EPC1: variants seen among roughly 807,000 people sequenced by gnomAD.
EPC1 encodes enhancer of polycomb homolog 1.
A neutral mutation model predicts 98.4 loss-of-function variants in EPC1; 12 were observed. The observed-to-expected ratio is 0.12, with a 90% CI of 0.08 to 0.20. The LOEUF is 0.20. Ranked by LOEUF, EPC1 falls within the 10% of genes least tolerant of loss-of-function variation. The pLI is 1.00. For missense variants in EPC1, 729 were observed against 990.5 expected (o/e 0.74, Z 3.54); for synonymous variants, 357 against 363.9 (o/e 0.98, Z 0.21).
At chr10:32,305,999 A>G in intron 1 of EPC1, 68 bp from the exon 2 acceptor site, 1 of 1,403,336 alleles carries the variant, frequency 7.1e-7, no homozygotes. Flanking sequence ...ATATAGCCAA[A>G]AAGGTTTTTT....
Position 32,364,001 on chromosome 10 carries a change from CATTTTTTTTTTTTTTT to C in EPC1, c.3+14474_3+14489del, listed in dbSNP as rs1244442076. ...AATAGTATCGTGTCCATCATGTTGG[CATTTTTTTTTTTTTTT>C]TTTTTTTTTTTTTTTAGATGGAGTT... On this transcript the variant is annotated intron_variant, in intron 1 of 13. Transcript: ENST00000375110. 6.1e-4 allele frequency among the ~76,000 whole-genome samples: 38 copies of C among 61,856 alleles called. 1 individual carries two copies. Among genetic ancestry groups the C allele is most frequent in the Non-Finnish European group, 8.0e-4 (26 of 32,528 alleles). 40.6% of individuals were successfully genotyped at this position (61,856 alleles called of 152,430 possible).
intron 1 of EPC1, among the ~76,000 whole-genome samples, chr10:32,312,332 C>A (rs542128182): frequency 6.0e-4 from 91 of 152,264 alleles, no homozygotes; most frequent in African/African-American, 2.0e-3. Flanking sequence ...TTAAATATTT[C>A]TGAATGACAT....
chr10:32,286,952 T>C lies in EPC1; in HGVS notation c.1216A>G (p.Arg406Gly). 1.9e-6 allele frequency: 3 copies of C among 1,613,466 alleles called. No homozygotes were observed. Among genetic ancestry groups the C allele is most frequent in the Non-Finnish European group, 2.5e-6 (3 of 1,179,642 alleles). ...GCATAGTACTGACAGCCTGCTTTCC[T>C]ACGGAAAGCAAAAGGACCATCAGGA... ...NDPDGPFAFR[R>G]KAGCQYYAPH... is the part of the protein sequence containing the mutation. The change falls in exon 8 of 14, where the codon AGG becomes GGG. Residue 406 changes from arginine to glycine, a missense_variant. Arg to Gly is a moderately radical substitution (Grantham distance 125). Coordinates refer to ENST00000319778, the MANE Select transcript of EPC1 (RefSeq NM_001272004.3).
intron 1 of EPC1, among the ~76,000 whole-genome samples, chr10:32,373,964 A>G (rs1839819402): frequency 2.6e-5 from 4 of 152,316 alleles, no homozygotes; most frequent in South Asian, 4.1e-4. Flanking sequence ...TAGCTACTAT[A>G]GATTAATTGG....
chr10:32,284,356 T>C (rs140507892), intron 10 of EPC1: 2 of 190,148 alleles, frequency 1.1e-5, no homozygotes, highest in Non-Finnish European at 2.2e-5. Flanking sequence ...TAGAGAAATA[T>C]CTGAACATAA....
At chr10:32,306,108 A>G (rs1313060551) in intron 1 of EPC1, among the ~76,000 whole-genome samples, 177 bp from the exon 2 acceptor site, 2 of 152,230 alleles carry the variant, frequency 1.3e-5, no homozygotes, top group Non-Finnish European at 2.9e-5. Context: ...TCAGGTAGAA[A>G]CAAAAAAAAT....
intron 1 of EPC1, among the ~76,000 whole-genome samples, chr10:32,357,805 A>G (rs1288425065): frequency 2.6e-5 from 4 of 150,986 alleles, no homozygotes; most frequent in Non-Finnish European, 2.9e-5. Flanking sequence ...TGGTTTTACA[A>G]TATAGAGATA....
intron 1 of EPC1, among the ~76,000 whole-genome samples, chr10:32,319,307 GA>G (rs1836742456): frequency 6.6e-6 from 1 of 152,158 alleles, no homozygotes; most frequent in African/African-American, 2.4e-5. Context: ...CATGACCCCT[GA>G]ACAACCTGCC....
chr10:32,277,971 C>G (rs11008862), intron 10 of EPC1, among the ~76,000 whole-genome samples: 2,393 of 152,160 alleles, frequency 0.016, 32 homozygotes, highest in Non-Finnish European at 0.025. Context: ...GCACTGCACT[C>G]TTATAGCTAA....
At chr10:32,346,611 G>A (rs553436422) in intron 1 of EPC1, 152 bp downstream of exon 1, 24 of 760,774 alleles carry the variant, frequency 3.2e-5, no homozygotes, top group Non-Finnish European at 4.8e-5. Flanking sequence ...GTCGAGGCTG[G>A]GGGAGGCGGG....
intron 2 of EPC1, among the ~76,000 whole-genome samples, chr10:32,297,547 A>G (rs57352485): frequency 0.033 from 4,968 of 152,088 alleles, 270 homozygotes; most frequent in African/African-American, 0.11. Context: ...TTGGCCTCCC[A>G]AAGTGCTGGG....
chr10:32,329,250 C>A (rs989169053), intron 1 of EPC1, among the ~76,000 whole-genome samples: 1 of 152,222 alleles, frequency 6.6e-6, no homozygotes, highest in African/African-American at 2.4e-5. Context: ...CTTTCCTCCA[C>A]TGCAGTGTAC....
In EPC1 at chr10:32,291,311, C is replaced by A; in HGVS notation, c.827G>T (p.Gly276Val). ...LEIMEKRYNL[G>V]DYNGEIMSEV... ...AGACATGATCTCTCCATTGTAGTCG[C>A]CCAAATTATACCTAAAATTATACAA... Residue 276 changes from glycine to valine, a missense_variant, in exon 6 of 14, where the codon GGC becomes GTC. Physicochemically the swap from Gly to Val is moderately radical, Grantham distance 109 (BLOSUM62 -3). Around this residue, in one of 6 missense-constraint regions of EPC1, gnomAD observed 390 missense variants for 438.6 expected, o/e 0.89. Coordinates refer to ENST00000319778, the MANE Select transcript of EPC1 (RefSeq NM_001272004.3). 1.2e-6 allele frequency: 2 copies of A among 1,606,372 alleles called. No individual in the cohort carries two copies. The highest frequency in any genetic ancestry group is 1.7e-6 in the Non-Finnish European group (2 of 1,176,254).
rs777944694 is a variant in EPC1 at position 32,275,773 on chromosome 10, T to TA, written c.1745-2493dup. Among the ~76,000 whole-genome samples the TA allele has an allele frequency of 1.9e-3, 259 of 135,730 alleles. 1 individual carries two copies. Among genetic ancestry groups the TA allele is most frequent in the Middle Eastern group, 4.0e-3 (1 of 252 alleles). 89.0% of individuals were successfully genotyped at this position (135,730 alleles called of 152,430 possible). On this transcript the variant is annotated intron_variant, in intron 10 of 13. Transcript: ENST00000319778. ...CTGGATGACAGAGCAAGACTCCTTC[T>TA]AAAAAAAAAAAAAGGAAAAAGCAAA...
At chr10:32,369,679 C>T (rs1421890041) in intron 1 of EPC1, among the ~76,000 whole-genome samples, 1 of 152,108 alleles carries the variant, frequency 6.6e-6, no homozygotes, top group Non-Finnish European at 1.5e-5. Flanking sequence ...AGTAATTGCA[C>T]TATTTAAGAA....
intron 1 of EPC1, among the ~76,000 whole-genome samples, chr10:32,338,695 C>CAAGTTTCAGG (rs903391662): frequency 1.3e-5 from 2 of 152,190 alleles, no homozygotes; most frequent in African/African-American, 4.8e-5. Flanking sequence ...TACCACCACT[C>CAAGTTTCAGG]AAGTTTCAGG....
At chr10:32,296,831 C>T (rs1011287460) in intron 2 of EPC1, among the ~76,000 whole-genome samples, 6 of 151,582 alleles carry the variant, frequency 4.0e-5, no homozygotes, top group South Asian at 2.1e-4. Context: ...TGCTTGAACC[C>T]GGGAGGCGGA....
intron 6 of EPC1, among the ~76,000 whole-genome samples, chr10:32,289,682 G>C (rs959270020): frequency 6.6e-6 from 1 of 151,354 alleles, no homozygotes; most frequent in African/African-American, 2.4e-5. Context: ...GGAGTGCAGT[G>C]GCGCGATCTC....
intron 1 of EPC1, among the ~76,000 whole-genome samples, chr10:32,334,249 C>T (rs553637539): frequency 6.6e-5 from 10 of 152,302 alleles, no homozygotes; most frequent in African/African-American, 2.4e-4. Context: ...TACCTTAAGC[C>T]TGACCCAATA....
Sources: gnomAD v4.1 joint callset for allele counts (sites outside exome capture counted in the v4.1 genomes callset) on GRCh38, gnomAD v4.1.1 for gene constraint, gnomAD v4.1.1 regional missense constraint, MANE v1.5 for transcripts, NCBI Gene and HGNC (gene_info 2026-07-23, HGNC 2026-07-21) for gene names.